Variants in DAB1 observed in about 807,000 individuals in gnomAD.
DAB1 encodes disabled homolog 1.
A neutral mutation model predicts 64.6 loss-of-function variants in DAB1; 15 were observed. That is an observed-to-expected ratio of 0.23 (90% CI 0.16 to 0.36). The LOEUF (loss-of-function observed/expected upper bound fraction) is 0.36, where lower values mean the gene tolerates loss of function less well. Among genes scored for constraint, DAB1 ranks in the 10% least tolerant of loss-of-function variants. DAB1 has a pLI of 1.00. For synonymous variants in DAB1, 235 were observed against 251.9 expected (o/e 0.93, Z 0.64); for missense variants, 596 against 706.7 (o/e 0.84, Z 1.78).
chr1:57,327,761 C>T (rs566499446), intron 1 of DAB1, among the ~76,000 whole-genome samples: 55 of 152,240 alleles, frequency 3.6e-4, no homozygotes, highest in Non-Finnish European at 5.7e-4. Flanking sequence ...GGTAGCTCAA[C>T]GGTGGCCTCT....
At chr1:58,385,802 G>C (rs866729509) in intron 3 of DAB1, among the ~76,000 whole-genome samples, 2 of 152,318 alleles carry the variant, frequency 1.3e-5, no homozygotes, top group African/African-American at 2.4e-5. Context: ...AATGACAAGG[G>C]AGTCAAATGG....
intron 5 of DAB1, among the ~76,000 whole-genome samples, chr1:58,068,984 G>A (rs1649052565): frequency 6.6e-6 from 1 of 152,098 alleles, no homozygotes; most frequent in African/African-American, 2.4e-5. Context: ...TGGAGGGCTG[G>A]GTGTGCAGAG....
chr1:58,383,240 AG>A (rs981532377), intron 3 of DAB1, among the ~76,000 whole-genome samples: 3 of 152,330 alleles, frequency 2.0e-5, no homozygotes, highest in African/African-American at 4.8e-5. Flanking sequence ...ATTATTTAAA[AG>A]GATCAAATAT....
intron 1 of DAB1, among the ~76,000 whole-genome samples, chr1:57,848,081 G>C (rs1002616311): frequency 3.9e-5 from 6 of 152,180 alleles, no homozygotes; most frequent in African/African-American, 2.4e-5. Context: ...GGGATCCCCA[G>C]AGCCTGCCCC....
chr1:58,407,997 A>G (rs1389797835), intron 3 of DAB1, among the ~76,000 whole-genome samples: 1 of 151,936 alleles, frequency 6.6e-6, no homozygotes, highest in African/African-American at 2.4e-5. Context: ...CTCCAACTAC[A>G]CTGACTCTCT....
chr1:58,338,944 T>A (rs927114268), intron 4 of DAB1, among the ~76,000 whole-genome samples: 3 of 152,150 alleles, frequency 2.0e-5, no homozygotes, highest in African/African-American at 7.2e-5. Flanking sequence ...GTGTATGAAA[T>A]ATCCAGAATA....
chr1:57,397,854 C>T (rs1682937272), intron 1 of DAB1, among the ~76,000 whole-genome samples: 1 of 152,202 alleles, frequency 6.6e-6, no homozygotes, highest in South Asian at 2.1e-4. Context: ...CACCTAAGTG[C>T]CAGCACAGAG....
At chr1:57,508,540 T>A (rs1336125460) in intron 7 of DAB1, among the ~76,000 whole-genome samples, 1 of 152,218 alleles carries the variant, frequency 6.6e-6, no homozygotes, top group Non-Finnish European at 1.5e-5. Context: ...AGTGGCCAGA[T>A]AAATATGTTA....
intron 5 of DAB1, among the ~76,000 whole-genome samples, chr1:58,015,481 G>A (rs1462269581): frequency 3.3e-5 from 5 of 152,060 alleles, no homozygotes; most frequent in Admixed American, 6.6e-5. Flanking sequence ...TGGCCTTAAC[G>A]AGATAAACAT....
At chr1:58,120,187 C>T (rs889416388) in intron 5 of DAB1, among the ~76,000 whole-genome samples, 2 of 152,052 alleles carry the variant, frequency 1.3e-5, no homozygotes, top group African/African-American at 4.8e-5. Context: ...CTCTGAGTCA[C>T]GATTTCCTCA....
At chr1:57,177,566 T>C (rs549890675) in intron 2 of DAB1, among the ~76,000 whole-genome samples, 16 of 152,266 alleles carry the variant, frequency 1.1e-4, no homozygotes, top group African/African-American at 3.9e-4. Flanking sequence ...CTTTGCCTTT[T>C]CTCTTATTTC....
At chr1:57,714,726 A>G (rs913681771) in intron 6 of DAB1, among the ~76,000 whole-genome samples, 4 of 152,220 alleles carry the variant, frequency 2.6e-5, no homozygotes, top group Non-Finnish European at 5.9e-5. Flanking sequence ...CTTTGTGTGT[A>G]CATCAAGAAT....
intron 3 of DAB1, among the ~76,000 whole-genome samples, chr1:58,497,830 CCTTT>C (rs746770317): frequency 2.8e-4 from 43 of 152,262 alleles, no homozygotes; most frequent in Non-Finnish European, 5.0e-4. Context: ...TTTCCCTGCA[CCTTT>C]CTGTCTTAGT....
chr1:58,109,122 A>C (rs929606336), intron 5 of DAB1, among the ~76,000 whole-genome samples: 3 of 152,218 alleles, frequency 2.0e-5, no homozygotes, highest in Non-Finnish European at 4.4e-5. Context: ...TCCTCACCCA[A>C]GTAATTCAGC....
chr1:58,167,491 T>C (rs1017983084), intron 4 of DAB1, among the ~76,000 whole-genome samples: 6 of 152,038 alleles, frequency 3.9e-5, no homozygotes, highest in African/African-American at 1.4e-4. Context: ...CAATCAGCAC[T>C]CTGTAAAATG....
intron 5 of DAB1, among the ~76,000 whole-genome samples, chr1:58,002,069 A>T (rs1646514750): frequency 6.6e-6 from 1 of 152,198 alleles, no homozygotes; most frequent in Admixed American, 6.5e-5. Context: ...CTCCCAACAC[A>T]TTAATTCTAG....
intron 4 of DAB1, among the ~76,000 whole-genome samples, chr1:57,090,932 C>T (rs1188284997): frequency 6.6e-6 from 1 of 152,096 alleles, no homozygotes; most frequent in Non-Finnish European, 1.5e-5. Context: ...AACTGCGTGC[C>T]AGAGATCTAC....
intron 4 of DAB1, among the ~76,000 whole-genome samples, chr1:58,304,327 ATC>A (rs1281661232): frequency 6.6e-6 from 1 of 152,166 alleles, no homozygotes; most frequent in Non-Finnish European, 1.5e-5. Flanking sequence ...ATTTTTAGGT[ATC>A]TTTGCTCTTA....
intron 5 of DAB1, among the ~76,000 whole-genome samples, chr1:57,889,291 G>T (rs539561351): frequency 6.6e-6 from 1 of 152,180 alleles, no homozygotes; most frequent in African/African-American, 2.4e-5. Flanking sequence ...TTGAGCTGTC[G>T]CTTATCAGTA....
Sources: gnomAD v4.1 joint callset for allele counts (sites outside exome capture counted in the v4.1 genomes callset) on GRCh38, gnomAD v4.1.1 for gene constraint, MANE v1.5 for transcripts, NCBI Gene and HGNC (gene_info 2026-07-23, HGNC 2026-07-21) for gene names.